OMD: variants seen among roughly 807,000 people sequenced by gnomAD.
OMD encodes osteomodulin.
Under a neutral mutation model 31.2 loss-of-function variants are expected in OMD, and 19 were observed. That is an observed-to-expected ratio of 0.61 (90% CI 0.42 to 0.89). OMD has a LOEUF of 0.89. Ranked by LOEUF, OMD falls within the 40% of genes least tolerant of loss-of-function variation. OMD has a pLI of 0.00. For synonymous variants in OMD, 155 were observed against 166.4 expected, an observed-to-expected ratio of 0.93 and a Z score of 0.53; for missense variants, 448 against 490.8, an observed-to-expected ratio of 0.91 and a Z score of 0.82.
intron 1 of OMD, among the ~76,000 whole-genome samples, chr9:92,423,442 C>T (rs961748122): frequency 6.6e-6 from 1 of 152,004 alleles, no homozygotes; most frequent in African/African-American, 2.4e-5. Context: ...AAATCCTCAA[C>T]ATTTTATTAT....
chr9:92,419,743 A>G (rs890596646), intron 1 of OMD, among the ~76,000 whole-genome samples: 2 of 152,168 alleles, frequency 1.3e-5, no homozygotes, highest in African/African-American at 4.8e-5. Context: ...AAAAAATCCT[A>G]CCTCTTTTAT....
In OMD at chr9:92,424,362, C is replaced by T. The variant is rs1843903553; in HGVS notation, c.-177G>A. ...ATTACTGTAGCAATTTAAGCAAATACAATCTTCTTGGAAAACACTCGGGTT... is the reference window on the plus strand; with the variant it reads ...ATTACTGTAGCAATTTAAGCAAATATAATCTTCTTGGAAAACACTCGGGTT... On this transcript the variant is annotated 5_prime_UTR_variant, in exon 1 of 3. Coordinates refer to ENST00000375550, the MANE Select transcript of OMD (RefSeq NM_005014.3). 6.6e-6 allele frequency: 1 copy of T among 152,112 alleles called. No individual in the cohort carries two copies. The highest frequency in any genetic ancestry group is 2.4e-5 in the African/African-American group (1 of 41,428). The allele number at this position is 152,112 out of a possible 1,614,324, so 9.4% of individuals were successfully genotyped here. A position where few individuals can be genotyped will look rare whatever the true frequency, so the allele number is the denominator to read the frequency against.
chr9:92,420,707 C>T (rs1203044963), intron 1 of OMD, among the ~76,000 whole-genome samples: 1 of 151,632 alleles, frequency 6.6e-6, no homozygotes, highest in Non-Finnish European at 1.5e-5. Flanking sequence ...TTATATGTAT[C>T]CCTACCTACA....
chr9:92,419,688 C>G (rs1324358428), intron 1 of OMD, among the ~76,000 whole-genome samples: 1 of 152,180 alleles, frequency 6.6e-6, no homozygotes, highest in Non-Finnish European at 1.5e-5. Flanking sequence ...ACGTTGAAAA[C>G]TGCTATCCAG....
chr9:92,416,109 T>A (rs530912377), intron 2 of OMD, among the ~76,000 whole-genome samples: 3,105 of 146,128 alleles, frequency 0.021, 52 homozygotes, highest in South Asian at 0.066. Context: ...TTTTATTTTT[T>A]TTTTTTTTAA....
At chr9:92,418,366 C>T (rs1003469683) in intron 1 of OMD, among the ~76,000 whole-genome samples, 3 of 151,378 alleles carry the variant, frequency 2.0e-5, no homozygotes, top group African/African-American at 4.9e-5. Flanking sequence ...GGATTACAGG[C>T]GTGAGCCACT....
In OMD at chr9:92,415,125, G is replaced by GT; in HGVS notation, c.*26dup. 2 of 1,525,984 alleles carry GT rather than the reference G, an allele frequency of 1.3e-6. No homozygotes were observed. Among genetic ancestry groups the GT allele is most frequent in the Non-Finnish European group, 1.8e-6 (2 of 1,132,456 alleles). The allele number at this position is 1,525,984 out of a possible 1,614,324, so 94.5% of individuals were successfully genotyped here. ...TATTAAGTATAGGTTTTGTGAAGTC[G>GT]TAAGTGTATACCTATATAGTTTCTT... On this transcript the variant is annotated 3_prime_UTR_variant, in exon 3 of 3. Coordinates refer to ENST00000375550, the MANE Select transcript of OMD (RefSeq NM_005014.3).
intron 2 of OMD, among the ~76,000 whole-genome samples, chr9:92,415,726 C>CA (rs1482119803): frequency 1.4e-5 from 2 of 147,216 alleles, no homozygotes; most frequent in South Asian, 2.1e-4. Flanking sequence ...AGAACAATCT[C>CA]AAAAAAAAAT....
chr9:92,417,144 T>C lies in OMD; in HGVS notation c.415A>G (p.Lys139Glu), dbSNP rs1843638073. 6.2e-7 allele frequency: 1 copy of C among 1,613,730 alleles called. No individual in the cohort carries two copies. Among genetic ancestry groups the C allele is most frequent in the African/African-American group, 1.3e-5 (1 of 74,934 alleles). ...SQKIDYGVFA[K>E]LPNLLQLHLE... The stretch of plus-strand genomic sequence containing the variant: ...TGAAGTTGTAGTAGATTTGGAAGCT[T>C]AGCAAACACACCATAATCAATCTTT... The change falls in exon 2 of 3, where the codon AAG (lysine) becomes GAG (glutamate). Residue 139 changes from lysine (K) to glutamate (E), a missense_variant. Transcript: ENST00000375550.
intron 1 of OMD, among the ~76,000 whole-genome samples, chr9:92,419,849 A>G (rs746952910): frequency 4.6e-5 from 7 of 152,162 alleles, no homozygotes; most frequent in East Asian, 1.9e-4. Flanking sequence ...TCTCCTGTTC[A>G]TGTAGAATGG....
chr9:92,416,762 T>C lies in OMD; in HGVS notation c.797A>G (p.His266Arg). ...LPKLHTLRMS[H>R]NKLQDIPYNI... Reference sequence around the variant, plus strand: ...ATATGGGATGTCTTGTAGTTTGTTGTGTGACATTCTTAGAGTATGAAGTTT... The same window carrying C: ...ATATGGGATGTCTTGTAGTTTGTTGCGTGACATTCTTAGAGTATGAAGTTT... The change falls in exon 2 of 3, where the codon CAC becomes CGC. Residue 266 changes from histidine to arginine, a missense_variant. By Grantham distance (29) the His-to-Arg change is conservative. Transcript: ENST00000375550. 1 of 1,613,888 alleles carries C rather than the reference T, an allele frequency of 6.2e-7. No individual in the cohort carries two copies. The highest frequency in any genetic ancestry group is 8.5e-7 in the Non-Finnish European group (1 of 1,179,816).
Position 92,417,584 on chromosome 9 carries a change from G to C in OMD, c.-16-10C>G, listed in dbSNP as rs370225486. ...CTTCTTTTTTTTTTTCCTATTGCAA[G>C]GAGAAAAGGAAACATTGTGGAGAAA... On this transcript the variant is annotated splice_polypyrimidine_tract_variant and intron_variant, in intron 1 of 2. Transcript: ENST00000375550. 10 of 1,396,776 alleles carry C rather than the reference G, an allele frequency of 7.2e-6. No individual in the cohort carries two copies. The highest frequency in any genetic ancestry group is 2.9e-5 in the African/African-American group (2 of 68,904). The allele number at this position is 1,396,776 out of a possible 1,614,324, so 86.5% of individuals were successfully genotyped here.
intron 2 of OMD, 147 bp downstream of exon 2, chr9:92,416,472 C>T (rs919054579): frequency 2.5e-5 from 14 of 560,210 alleles, no homozygotes; most frequent in Non-Finnish European, 2.5e-5. Context: ...ACACATTTCT[C>T]TGGGGCAGAT....
chr9:92,415,193 C>G lies in OMD; in HGVS notation c.1225G>C (p.Glu409Gln). The G allele has an allele frequency of 6.2e-7, 1 of 1,613,542 alleles. No homozygotes were observed. The highest frequency in any genetic ancestry group is 8.5e-7 in the Non-Finnish European group (1 of 1,179,794). The change falls in exon 3 of 3, where the codon GAA becomes CAA. Residue 409 changes from glutamate to glutamine, a missense_variant. Transcript: ENST00000375550. Reference sequence around the variant, plus strand: ...TAATAATGAAGGTCAAAGTGCCCTTCTGCTCCTTCTTGTTCTGGGCTCTCA... The same window carrying G: ...TAATAATGAAGGTCAAAGTGCCCTTGTGCTCCTTCTTGTTCTGGGCTCTCA... Reference protein sequence around the residue: ...AHESPEQEGAEGHFDLHYYEN... With the variant: ...AHESPEQEGAQGHFDLHYYEN...
Position 92,413,738 on chromosome 9 carries a change from C to A in OMD, c.*1414G>T, listed in dbSNP as rs1360636014. ...TTGCCAAGCCCTATATAAGAAAGGA[C>A]TTGATGAATGTTGATTAGACGAATG... On this transcript the variant is annotated 3_prime_UTR_variant, in exon 3 of 3. Transcript: ENST00000375550. 6.6e-6 allele frequency among the ~76,000 whole-genome samples: 1 copy of A among 152,018 alleles called. No homozygotes were observed. The highest frequency in any genetic ancestry group is 2.4e-5 in the African/African-American group (1 of 41,390).
In OMD at chr9:92,417,118, A is replaced by G; in HGVS notation, c.441T>C (p.His147=). The G allele has an allele frequency of 6.2e-7, 1 of 1,613,828 alleles. No homozygotes were observed. Among genetic ancestry groups the G allele is most frequent in the South Asian group, 1.1e-5 (1 of 91,080 alleles). ...ATTCTTCTAAATTATTATGCTCTAG[A>G]TGAAGTTGTAGTAGATTTGGAAGCT... ...FAKLPNLLQL[H]LEHNNLEEFP... is the part of the protein sequence containing the mutation. The change falls in exon 2 of 3, where the codon CAT becomes CAC. Residue 147 remains histidine (H), a synonymous_variant. Transcript: ENST00000375550.
intron 1 of OMD, among the ~76,000 whole-genome samples, chr9:92,420,042 G>A (rs1843738295): frequency 6.6e-6 from 1 of 152,188 alleles, no homozygotes; most frequent in African/African-American, 2.4e-5. Context: ...GGTAGAGTCA[G>A]AGACCCTTGA....
chr9:92,415,488 T>C lies in OMD; in HGVS notation c.941-11A>G. Reference sequence around the variant, plus strand: ...CTGTAAGATTCATCTCTGAAAGAAATAAATTAAAAATTAATCTTGTATTAT... The same window carrying C: ...CTGTAAGATTCATCTCTGAAAGAAACAAATTAAAAATTAATCTTGTATTAT... On this transcript the variant is annotated splice_polypyrimidine_tract_variant and intron_variant, in intron 2 of 2. Coordinates refer to ENST00000375550, the MANE Select transcript of OMD (RefSeq NM_005014.3). 1 of 1,493,124 alleles carries C rather than the reference T, an allele frequency of 6.7e-7. No individual in the cohort carries two copies. The highest frequency in any genetic ancestry group is 9.1e-7 in the Non-Finnish European group (1 of 1,102,382). The allele number at this position is 1,493,124 out of a possible 1,614,324, so 92.5% of individuals were successfully genotyped here.
In OMD at chr9:92,414,874, A is replaced by G. The variant is rs995945216; in HGVS notation, c.*278T>C. On this transcript the variant is annotated 3_prime_UTR_variant, in exon 3 of 3. Transcript: ENST00000375550. ...TGATACACTCACTTTCTTTAACATG[A>G]TATTTCTATATTTAAAAAGAGCATA... is the stretch of plus-strand genomic sequence containing the variant. The G allele has an allele frequency of 1.1e-5, 3 of 275,504 alleles. No individual in the cohort carries two copies. Among genetic ancestry groups the G allele is most frequent in the Non-Finnish European group, 2.0e-5 (3 of 148,006 alleles). The allele number at this position is 275,504 out of a possible 1,614,324, so 17.1% of individuals were successfully genotyped here.
Sources: allele counts gnomAD v4.1 joint callset (sites outside exome capture counted in the v4.1 genomes callset), GRCh38; gene constraint gnomAD v4.1.1; transcripts MANE v1.5; gene names NCBI Gene and HGNC (gene_info 2026-07-23, HGNC 2026-07-21).